Variants in RAB38 observed in about 807,000 individuals in gnomAD.
The protein encoded by RAB38 is ras-related protein Rab-38.
RAB38 carries 15 observed loss-of-function variants against 18.4 expected under a neutral mutation model. The observed-to-expected ratio is 0.82, with a 90% CI of 0.55 to 1.26. The LOEUF (loss-of-function observed/expected upper bound fraction) is 1.26, where lower values mean the gene tolerates loss of function less well. Among genes scored for constraint, RAB38 ranks in the 50% most tolerant of loss-of-function variants. The pLI, the probability that RAB38 is intolerant of heterozygous loss-of-function variation, is 0.00. For synonymous variants in RAB38, 101 were observed against 104.4 expected (o/e 0.97, Z 0.20); for missense variants, 294 against 267.4 (o/e 1.10, Z -0.69).
chr11:88,073,325 C>T, the RAB38 span, among the ~76,000 whole-genome samples: 2 of 152,108 alleles, frequency 1.3e-5, no homozygotes, highest in African/African-American at 2.4e-5. Context: ...TCCACAGTTC[C>T]CCTGGGCACA....
At chr11:87,885,021 C>T in the RAB38 span, among the ~76,000 whole-genome samples, 1 of 151,916 alleles carries the variant, frequency 6.6e-6, no homozygotes, top group Non-Finnish European at 1.5e-5. Flanking sequence ...ACCCACAGGT[C>T]CCATGTCAGA....
At chr11:88,004,208 C>T in the RAB38 span, among the ~76,000 whole-genome samples, 2 of 150,110 alleles carry the variant, frequency 1.3e-5, no homozygotes, top group Admixed American at 6.7e-5. Context: ...AAAGGACATA[C>T]ATTCTTCGTG....
the RAB38 span, among the ~76,000 whole-genome samples, chr11:88,026,107 G>A: frequency 6.6e-6 from 1 of 152,072 alleles, no homozygotes; most frequent in South Asian, 2.1e-4. Flanking sequence ...TGGGATTACA[G>A]GCACGCACCA....
At chr11:88,066,067 G>A in the RAB38 span, among the ~76,000 whole-genome samples, 1 of 152,154 alleles carries the variant, frequency 6.6e-6, no homozygotes, top group Non-Finnish European at 1.5e-5. Context: ...AAGTTTCAAG[G>A]GATCTTTGCT....
In RAB38 at chr11:88,113,407, A is replaced by C. The variant is rs1001237037; in HGVS notation, c.*581T>G. On this transcript the variant is annotated 3_prime_UTR_variant, in exon 3 of 3. Coordinates refer to ENST00000243662, the MANE Select transcript of RAB38 (RefSeq NM_022337.3). Reference sequence around the variant, plus strand: ...AGGCATGTCTTTTCATACAATATTCAGTTAAGCCAACATTCAGGCCATGGC... The same window carrying C: ...AGGCATGTCTTTTCATACAATATTCCGTTAAGCCAACATTCAGGCCATGGC... The C allele has an allele frequency of 6.5e-6, 1 of 153,380 alleles. No homozygotes were observed. The highest frequency in any genetic ancestry group is 1.5e-5 in the Non-Finnish European group (1 of 68,612). The allele number at this position is 153,380 out of a possible 1,614,324, so 9.5% of individuals were successfully genotyped here.
the RAB38 span, among the ~76,000 whole-genome samples, chr11:87,840,137 T>C: frequency 6.6e-6 from 1 of 151,936 alleles, no homozygotes; most frequent in Non-Finnish European, 1.5e-5. Context: ...AAAGGAGACA[T>C]AGAAAAAGAA....
the RAB38 span, among the ~76,000 whole-genome samples, chr11:88,069,032 T>C: frequency 6.6e-6 from 1 of 152,154 alleles, no homozygotes; most frequent in African/African-American, 2.4e-5. Context: ...CTCCCTCTGC[T>C]TGCAGGGAGG....
chr11:88,058,416 T>C, the RAB38 span, among the ~76,000 whole-genome samples: 1 of 152,180 alleles, frequency 6.6e-6, no homozygotes, highest in Non-Finnish European at 1.5e-5. Context: ...GAGAATCTAC[T>C]TCCTGAAGAG....
intron 2 of RAB38, among the ~76,000 whole-genome samples, chr11:88,123,112 T>G (rs1229863504): frequency 6.6e-6 from 1 of 152,224 alleles, no homozygotes; most frequent in African/African-American, 2.4e-5. Flanking sequence ...TTCTTCTTCC[T>G]TCAGGTCATT....
chr11:87,917,094 C>A, the RAB38 span, among the ~76,000 whole-genome samples: 5 of 152,188 alleles, frequency 3.3e-5, no homozygotes, highest in East Asian at 9.7e-4. Context: ...AAAACCTTTA[C>A]TGGGCTGGGG....
the RAB38 span, among the ~76,000 whole-genome samples, chr11:87,946,637 G>C: frequency 6.6e-6 from 1 of 152,010 alleles, no homozygotes; most frequent in Non-Finnish European, 1.5e-5. Context: ...GAGAACATGT[G>C]GTGTTTGGTT....
the RAB38 span, among the ~76,000 whole-genome samples, chr11:88,083,567 G>T: frequency 6.6e-6 from 1 of 151,844 alleles, no homozygotes; most frequent in Non-Finnish European, 1.5e-5. Flanking sequence ...TTGGTGCCAT[G>T]GTTTGAATGT....
At chr11:88,143,127 C>A (rs1476841553) in intron 2 of RAB38, among the ~76,000 whole-genome samples, 2 of 152,228 alleles carry the variant, frequency 1.3e-5, no homozygotes, top group African/African-American at 4.8e-5. Context: ...AGCTTGAAAT[C>A]CTGACTCTTT....
the RAB38 span, among the ~76,000 whole-genome samples, chr11:87,972,208 C>A: frequency 6.6e-6 from 1 of 152,030 alleles, no homozygotes; most frequent in Admixed American, 6.6e-5. Context: ...CACTTCAGGA[C>A]GCCTTCCTTA....
chr11:87,807,913 ATAAC>A, the RAB38 span, among the ~76,000 whole-genome samples: 7,032 of 152,170 alleles, frequency 0.046, 294 homozygotes, highest in Admixed American at 0.14. Context: ...AGGAAGAAAA[ATAAC>A]AGGAAGAAAC....
the RAB38 span, among the ~76,000 whole-genome samples, chr11:87,899,446 A>G: frequency 0.54 from 81,488 of 151,530 alleles, 23,922 homozygotes; most frequent in Non-Finnish European, 0.67. Flanking sequence ...TTTTGGAACA[A>G]TGAAAGGAGA....
At chr11:87,848,376 T>C in the RAB38 span, among the ~76,000 whole-genome samples, 1 of 152,170 alleles carries the variant, frequency 6.6e-6, no homozygotes, top group Non-Finnish European at 1.5e-5. Context: ...TAATGATTTA[T>C]AGTAAGAATG....
the RAB38 span, among the ~76,000 whole-genome samples, chr11:87,813,765 T>C: frequency 5.9e-5 from 9 of 152,150 alleles, no homozygotes; most frequent in African/African-American, 2.2e-4. Flanking sequence ...AAACACTCTT[T>C]ATGCCAAGTT....
At chr11:87,848,561 A>G in the RAB38 span, among the ~76,000 whole-genome samples, 3 of 151,950 alleles carry the variant, frequency 2.0e-5, no homozygotes, top group East Asian at 3.9e-4. Context: ...ATATGTTCAC[A>G]TGCCTGTATA....
Sources: gnomAD v4.1 joint callset for allele counts (sites outside exome capture counted in the v4.1 genomes callset) on GRCh38, gnomAD v4.1.1 for gene constraint, MANE v1.5 for transcripts, NCBI Gene and HGNC (gene_info 2026-07-23, HGNC 2026-07-21) for gene names.